XRCC5: variants seen among roughly 807,000 people sequenced by gnomAD.
XRCC5 encodes X-ray repair cross complementing 5, also known as DNA repair protein Ku80.
A neutral mutation model predicts 95.7 loss-of-function variants in XRCC5; 12 were observed. That is an observed-to-expected ratio of 0.13 (90% CI 0.08 to 0.20). XRCC5 has a LOEUF of 0.20. Ranked by LOEUF, XRCC5 falls within the 10% of genes least tolerant of loss-of-function variation. The pLI is 1.00. For synonymous variants in XRCC5, 281 were observed against 290.3 expected (o/e 0.97, Z 0.33); for missense variants, 595 against 873.9 (o/e 0.68, Z 4.02).
chr2:216,156,801 C>T (rs960870265), intron 14 of XRCC5: 2 of 479,434 alleles, frequency 4.2e-6, no homozygotes, highest in African/African-American at 3.9e-5. Flanking sequence ...ACAATCCTGT[C>T]CAGTAGCCAT....
At chr2:216,151,983 G>C (rs1341027639) in intron 14 of XRCC5, among the ~76,000 whole-genome samples, 1 of 152,192 alleles carries the variant, frequency 6.6e-6, no homozygotes, top group Non-Finnish European at 1.5e-5. Context: ...CAGCAGGCAA[G>C]ATCGAGTGTA....
intron 6 of XRCC5, among the ~76,000 whole-genome samples, chr2:216,123,951 G>A (rs1696863124): frequency 6.6e-6 from 1 of 152,188 alleles, no homozygotes; most frequent in South Asian, 2.1e-4. Context: ...TTGATTTTAG[G>A]TCTGCCATGA....
intron 8 of XRCC5, 22 bp from the exon 9 acceptor site, chr2:216,130,853 A>T (rs1161604515): frequency 2.6e-6 from 4 of 1,552,858 alleles, no homozygotes; most frequent in Non-Finnish European, 3.5e-6. Context: ...TGCTTAACAG[A>T]TGCTCTTCTC....
rs1390229102 is a variant in XRCC5 at position 216,122,245 on chromosome 2, T to C, written c.675T>C (p.Tyr225=). The part of the protein sequence containing the change: ...LEGEDGLDEI[Y]SFSESLRKLC... The stretch of plus-strand genomic sequence containing the variant: ...GTGAAGATGGGTTGGATGAAATTTA[T>C]TCATTCAGGTAAGAATTGAAAACAT... Residue 225 remains tyrosine (Y), a synonymous_variant, in exon 6 of 21, where the codon TAT becomes TAC. Transcript: ENST00000392132. The C allele has an allele frequency of 1.2e-6, 2 of 1,608,550 alleles. No individual in the cohort carries two copies. Among genetic ancestry groups the C allele is most frequent in the Non-Finnish European group, 1.7e-6 (2 of 1,178,432 alleles).
At chr2:216,121,787 C>T (rs1239776197) in intron 5 of XRCC5, among the ~76,000 whole-genome samples, 1 of 152,174 alleles carries the variant, frequency 6.6e-6, no homozygotes, top group Non-Finnish European at 1.5e-5. Flanking sequence ...ATCCTTGCCA[C>T]AGTTGAGACC....
At chr2:216,181,481 A>G (rs745868124) in intron 16 of XRCC5, among the ~76,000 whole-genome samples, 20 of 152,114 alleles carry the variant, frequency 1.3e-4, no homozygotes, top group Middle Eastern at 3.2e-3. Context: ...TATTCAAACC[A>G]TGTTCCTGCT....
intron 6 of XRCC5, among the ~76,000 whole-genome samples, chr2:216,124,310 G>A (rs1174121682): frequency 1.3e-5 from 2 of 152,134 alleles, no homozygotes; most frequent in Non-Finnish European, 2.9e-5. Context: ...GCAGTGACGT[G>A]ATCTCAGCTC....
At chr2:216,138,040 T>C in intron 11 of XRCC5, 49 bp from the exon 12 acceptor site, 1 of 1,477,486 alleles carries the variant, frequency 6.8e-7, no homozygotes, top group Non-Finnish European at 9.3e-7. Flanking sequence ...TTTTATATTT[T>C]TTCATTAATT....
chr2:216,186,767 C>T (rs992123065), intron 16 of XRCC5, among the ~76,000 whole-genome samples: 1 of 152,158 alleles, frequency 6.6e-6, no homozygotes, highest in Non-Finnish European at 1.5e-5. Context: ...GACTGATAAG[C>T]CATTCCTCAG....
At chr2:216,126,770 G>T (rs41299784) in intron 7 of XRCC5, among the ~76,000 whole-genome samples, 1,901 of 152,036 alleles carry the variant, frequency 0.013, 34 homozygotes, top group African/African-American at 0.043. Context: ...AGAACCTTGG[G>T]GCAGTTCTTT....
At chr2:216,141,074 G>A in intron 12 of XRCC5, 112 bp from the exon 13 acceptor site, 2 of 1,308,784 alleles carry the variant, frequency 1.5e-6, no homozygotes, top group Admixed American at 2.0e-5. Flanking sequence ...CTTTGGCAGG[G>A]CCAGGACTGT....
At chr2:216,150,134 C>G (rs756017682) in intron 14 of XRCC5, among the ~76,000 whole-genome samples, 1 of 152,068 alleles carries the variant, frequency 6.6e-6, no homozygotes, top group African/African-American at 2.4e-5. Context: ...GCCAACAATT[C>G]GCAATGTTTT....
intron 8 of XRCC5, among the ~76,000 whole-genome samples, chr2:216,130,077 TTG>T (rs1696970081): frequency 2.0e-5 from 3 of 152,266 alleles, no homozygotes; most frequent in African/African-American, 7.2e-5. Flanking sequence ...GAAAGTTTTA[TTG>T]TGTCTTGGGG....
At chr2:216,184,031 ACTGTGT>A (rs1689442968) in intron 16 of XRCC5, among the ~76,000 whole-genome samples, 1 of 90,170 alleles carries the variant, frequency 1.1e-5, no homozygotes, top group Admixed American at 1.2e-4. Flanking sequence ...ATAAGTCAGC[ACTGTGT>A]GTGTGTGTGT....
rs748548225 is a variant in XRCC5, at chr2:216,160,196, G to A, written c.1764+35G>A. ...GCTTTTCAAGTGCGCTTCCCCCTTT[G>A]CAGGAAGGTTGGGGCTTGAGGGAGA... On this transcript the variant is annotated intron_variant, in intron 15 of 20. Transcript: ENST00000392132. 28 of 1,478,310 alleles carry A rather than the reference G, an allele frequency of 1.9e-5. No homozygotes were observed. In the South Asian group the frequency reaches 3.3e-4, roughly 18 times the overall value. 91.6% of individuals were successfully genotyped at this position (1,478,310 alleles called of 1,614,324 possible).
At chr2:216,191,204 T>C (rs1689606811) in intron 17 of XRCC5, among the ~76,000 whole-genome samples, 1 of 152,142 alleles carries the variant, frequency 6.6e-6, no homozygotes, top group Non-Finnish European at 1.5e-5. Flanking sequence ...TGGAAAGAGA[T>C]AGTAAAAGTG....
At chr2:216,157,825 A>G (rs1007626563) in intron 14 of XRCC5, among the ~76,000 whole-genome samples, 4 of 152,244 alleles carry the variant, frequency 2.6e-5, no homozygotes, top group Non-Finnish European at 5.9e-5. Flanking sequence ...GCTGACATTT[A>G]TATGTCTACT....
At chr2:216,130,843 T>G in intron 8 of XRCC5, 32 bp from the exon 9 acceptor site, 1 of 1,502,804 alleles carries the variant, frequency 6.7e-7, no homozygotes. Flanking sequence ...AGGCCCCATA[T>G]GCTTAACAGA....
intron 10 of XRCC5, among the ~76,000 whole-genome samples, chr2:216,134,521 G>A (rs377372935): frequency 2.7e-5 from 4 of 149,942 alleles, no homozygotes; most frequent in South Asian, 2.1e-4. Flanking sequence ...CCTGCCTCCC[G>A]GGTTCAAGTG....
Sources: gnomAD v4.1 joint callset for allele counts (sites outside exome capture counted in the v4.1 genomes callset) on GRCh38, gnomAD v4.1.1 for gene constraint, MANE v1.5 for transcripts, NCBI Gene and HGNC (gene_info 2026-07-23, HGNC 2026-07-21) for gene names.